Variants in ARIH1 observed in about 807,000 individuals in gnomAD.
ARIH1 encodes the protein E3 ubiquitin-protein ligase ARIH1.
A neutral mutation model predicts 85.0 loss-of-function variants in ARIH1; 8 were observed. The observed-to-expected ratio is 0.09, with a 90% CI of 0.06 to 0.17. The LOEUF (loss-of-function observed/expected upper bound fraction) is 0.17, where lower values mean the gene tolerates loss of function less well. Ranked by LOEUF, ARIH1 falls within the 10% of genes least tolerant of loss-of-function variation. ARIH1 has a pLI of 1.00. For missense variants in ARIH1, 311 were observed against 718.1 expected (o/e 0.43, Z 6.48); for synonymous variants, 238 against 253.6 (o/e 0.94, Z 0.59).
At chr15:72,570,522 A>G (rs2064238942) in intron 10 of ARIH1, among the ~76,000 whole-genome samples, 1 of 152,258 alleles carries the variant, frequency 6.6e-6, no homozygotes, top group Admixed American at 6.5e-5. Flanking sequence ...TAAGGGGACC[A>G]AGAGTTCATT....
chr15:72,582,338 A>C lies in ARIH1; in HGVS notation c.1589+151A>C, dbSNP rs1013298042. 1 of 598,054 alleles carries C rather than the reference A, an allele frequency of 1.7e-6. No individual in the cohort carries two copies. The highest frequency in any genetic ancestry group is 1.9e-5 in the African/African-American group (1 of 53,270). 37.0% of individuals were successfully genotyped at this position (598,054 alleles called of 1,614,324 possible). ...ATTGCTTCTGTCCGTTGGGCACTAA[A>C]TTGCAGGTAATAGTATTGGTGAAGC... is the stretch of plus-strand genomic sequence containing the variant. On this transcript the variant is annotated intron_variant, in intron 13 of 13. Coordinates refer to ENST00000379887, the MANE Select transcript of ARIH1 (RefSeq NM_005744.5). The surrounding 1 kb of genome is among the most constrained non-coding windows in gnomAD (Gnocchi z 4.6).
intron 1 of ARIH1, among the ~76,000 whole-genome samples, chr15:72,494,660 G>A (rs2063872569): frequency 6.6e-6 from 1 of 151,986 alleles, no homozygotes; most frequent in African/African-American, 2.4e-5. Flanking sequence ...AGTTTAAAAG[G>A]CCACTCTGTT....
chr15:72,493,869 T>C (rs946548075), intron 1 of ARIH1, among the ~76,000 whole-genome samples: 1 of 136,500 alleles, frequency 7.3e-6, no homozygotes, highest in Non-Finnish European at 1.6e-5. Flanking sequence ...TAAACTTTTT[T>C]AAAGGATTTT....
chr15:72,571,970 T>C (rs1422129704), intron 10 of ARIH1, 138 bp from the exon 11 acceptor site: 5 of 631,282 alleles, frequency 7.9e-6, no homozygotes, highest in African/African-American at 1.8e-5. Flanking sequence ...CTGGGTGTTT[T>C]AACATCTCAA....
intron 3 of ARIH1, among the ~76,000 whole-genome samples, chr15:72,546,349 T>A (rs533335942): frequency 3.3e-5 from 5 of 152,308 alleles, no homozygotes; most frequent in African/African-American, 1.2e-4. Flanking sequence ...AAAGTACTCT[T>A]AGAGAAATAG....
rs552971050 is a variant in ARIH1, at chr15:72,505,877, A to C, written c.376-12190A>C. ...CAGCCTCCCGAGGAGCTGGGATTAC[A>C]GGCTCGTGCCACCATAGCGGGTAAT... On this transcript the variant is annotated intron_variant, in intron 1 of 13. Transcript: ENST00000379887. 5.9e-5 allele frequency among the ~76,000 whole-genome samples: 9 copies of C among 152,200 alleles called. No homozygotes were observed. In the South Asian group the frequency reaches 1.9e-3, roughly 32 times the overall value.
intron 1 of ARIH1, among the ~76,000 whole-genome samples, chr15:72,515,735 G>T (rs2063972153): frequency 1.3e-5 from 2 of 152,134 alleles, no homozygotes; most frequent in South Asian, 4.1e-4. Context: ...TAGCACTTGA[G>T]CAGTGATTTA....
chr15:72,505,390 G>A (rs935095585), intron 1 of ARIH1, among the ~76,000 whole-genome samples: 5 of 150,386 alleles, frequency 3.3e-5, no homozygotes, highest in African/African-American at 1.2e-4. Flanking sequence ...TCAGTAGCTT[G>A]TTTTTTTTCG....
intron 1 of ARIH1, among the ~76,000 whole-genome samples, chr15:72,498,671 C>G (rs1202193233): frequency 6.6e-6 from 1 of 151,976 alleles, no homozygotes; most frequent in Non-Finnish European, 1.5e-5. Context: ...TGGCGAAACC[C>G]CGTCTCTACT....
intron 2 of ARIH1, among the ~76,000 whole-genome samples, chr15:72,532,160 G>GT (rs900896741): frequency 2.0e-5 from 3 of 148,608 alleles, no homozygotes; most frequent in African/African-American, 5.0e-5. Context: ...TCAAGAAGCC[G>GT]TAAGATTTTT....
chr15:72,589,015 G>A lies in ARIH1; in HGVS notation c.*5723G>A, dbSNP rs1205529663. 6.6e-6 allele frequency: 1 copy of A among 152,128 alleles called. No individual in the cohort carries two copies. The highest frequency in any genetic ancestry group is 2.4e-5 in the African/African-American group (1 of 41,420). The allele number at this position is 152,128 out of a possible 1,614,324, so 9.4% of individuals were successfully genotyped here. A position where few individuals can be genotyped will look rare whatever the true frequency, so the allele number is the denominator to read the frequency against. On this transcript the variant is annotated 3_prime_UTR_variant, in exon 14 of 14. Transcript: ENST00000379887. Reference sequence around the variant, plus strand: ...ATAATCTTGTATTTTTATTTCAAGTGTGGTATAGTAGTAAGAATATTGGTA... The same window carrying A: ...ATAATCTTGTATTTTTATTTCAAGTATGGTATAGTAGTAAGAATATTGGTA...
intron 5 of ARIH1, among the ~76,000 whole-genome samples, chr15:72,560,833 A>G (rs200881474): frequency 1.0e-4 from 3 of 29,638 alleles, no homozygotes; most frequent in African/African-American, 1.5e-4. Flanking sequence ...GTGGGAATAC[A>G]CTCAGAGGAG....
chr15:72,505,430 TA>T (rs770585218), intron 1 of ARIH1, among the ~76,000 whole-genome samples: 38 of 152,190 alleles, frequency 2.5e-4, no homozygotes, highest in Non-Finnish European at 4.6e-4. Flanking sequence ...TAACCTTCCA[TA>T]TTTTTTTAAT....
chr15:72,545,933 C>G (rs567853071), intron 3 of ARIH1, among the ~76,000 whole-genome samples: 1 of 152,230 alleles, frequency 6.6e-6, no homozygotes, highest in East Asian at 1.9e-4. Context: ...TAACTTAATT[C>G]TATGATAATT....
At chr15:72,521,210 C>CG (rs1364389768) in intron 2 of ARIH1, among the ~76,000 whole-genome samples, 1 of 135,248 alleles carries the variant, frequency 7.4e-6, no homozygotes, top group African/African-American at 2.9e-5. Context: ...CCCCCCCCCC[C>CG]CCCTTTTCTG....
At chr15:72,561,384 TG>T (rs2064196789) in intron 5 of ARIH1, 98 bp from the exon 6 acceptor site, 3 of 809,662 alleles carry the variant, frequency 3.7e-6, no homozygotes, top group Non-Finnish European at 6.2e-6. Context: ...GGCATAAACA[TG>T]TAGCCGTAGC....
chr15:72,504,545 A>G (rs922052110), intron 1 of ARIH1, among the ~76,000 whole-genome samples: 17 of 152,216 alleles, frequency 1.1e-4, no homozygotes, highest in African/African-American at 3.6e-4. Context: ...CCTGAAGTCA[A>G]GCTGCCCCTC....
chr15:72,546,420 C>T (rs566929877), intron 3 of ARIH1, among the ~76,000 whole-genome samples: 1 of 152,178 alleles, frequency 6.6e-6, no homozygotes, highest in South Asian at 2.1e-4. Flanking sequence ...TTCTCAAGTT[C>T]TGATCGTAAC....
In ARIH1 at chr15:72,577,546, G is replaced by A. The variant is rs527892532; in HGVS notation, c.1216-3185G>A. ...AAATTAGCTGGGCGTGGTAGCAGGC[G>A]CCTGTAATCCGAGCTACTTGGGAAG... On this transcript the variant is annotated intron_variant, in intron 11 of 13. Coordinates refer to ENST00000379887, the MANE Select transcript of ARIH1 (RefSeq NM_005744.5). 2.0e-4 allele frequency among the ~76,000 whole-genome samples: 30 copies of A among 151,996 alleles called. No homozygotes were observed. The South Asian group carries it at 5.0e-3, about 25-fold the overall frequency.
Sources: gnomAD v4.1 joint callset for allele counts (sites outside exome capture counted in the v4.1 genomes callset) on GRCh38, gnomAD v4.1.1 for gene constraint, Gnocchi (gnomAD v3.1) non-coding constraint, MANE v1.5 for transcripts, NCBI Gene and HGNC (gene_info 2026-07-23, HGNC 2026-07-21) for gene names.